CDH4: variants seen among roughly 807,000 people sequenced by gnomAD.
CDH4 encodes cadherin 4, also known as cadherin-4.
CDH4 carries 33 observed loss-of-function variants against 86.0 expected under a neutral mutation model. That is an observed-to-expected ratio of 0.38 (90% confidence interval 0.29 to 0.51). CDH4 has a LOEUF of 0.51. Ranked by LOEUF, CDH4 falls within the 20% of genes least tolerant of loss-of-function variation. CDH4 has a pLI of 0.86. For synonymous variants in CDH4, 555 were observed against 549.4 expected (o/e 1.01, Z -0.14); for missense variants, 1,114 against 1,307.4 (o/e 0.85, Z 2.28).
chr20:61,813,270 C>G (rs968471985), intron 4 of CDH4, among the ~76,000 whole-genome samples: 1 of 152,182 alleles, frequency 6.6e-6, no homozygotes, highest in Non-Finnish European at 1.5e-5. Context: ...GGATCTCCCC[C>G]ACCCAGGGCC....
chr20:61,823,251 G>C (rs1981138115), intron 4 of CDH4, among the ~76,000 whole-genome samples: 1 of 6,680 alleles, frequency 1.5e-4, no homozygotes, highest in Non-Finnish European at 3.5e-4. Context: ...AGTGGCGATG[G>C]TGTTGATGGT....
At chr20:61,258,346 GAAA>G (rs1234257125) in intron 2 of CDH4, among the ~76,000 whole-genome samples, 1 of 42,788 alleles carries the variant, frequency 2.3e-5, no homozygotes, top group African/African-American at 8.1e-5. Flanking sequence ...AAAAAAAAAA[GAAA>G]AAAAAAAAAG....
intron 2 of CDH4, among the ~76,000 whole-genome samples, chr20:61,683,923 G>A (rs1007283039): frequency 6.6e-6 from 1 of 152,244 alleles, no homozygotes; most frequent in Admixed American, 6.5e-5. Context: ...GGTGGGAGTT[G>A]GGAGGCTGGG....
chr20:61,355,167 T>C (rs967087520), intron 2 of CDH4, among the ~76,000 whole-genome samples: 1 of 152,130 alleles, frequency 6.6e-6, no homozygotes, highest in Non-Finnish European at 1.5e-5. Context: ...AATCCTTTCA[T>C]TTCCAGGCAA....
At chr20:61,877,352 C>A (rs1201389170) in intron 7 of CDH4, among the ~76,000 whole-genome samples, 3 of 151,414 alleles carry the variant, frequency 2.0e-5, no homozygotes, top group South Asian at 4.2e-4. Context: ...AGACACAGAG[C>A]GGTACCCACC....
At chr20:61,742,685 A>C (rs941794626) in intron 2 of CDH4, among the ~76,000 whole-genome samples, 1 of 152,218 alleles carries the variant, frequency 6.6e-6, no homozygotes, top group South Asian at 2.1e-4. Flanking sequence ...CCACGGCTGT[A>C]GGTGACAGTT....
chr20:61,287,402 G>C (rs1200550087), intron 2 of CDH4, among the ~76,000 whole-genome samples: 4 of 152,090 alleles, frequency 2.6e-5, no homozygotes, highest in African/African-American at 9.7e-5. Context: ...TTCAGCCCAG[G>C]AGGTCAAGGC....
At chr20:61,793,108 G>A (rs999922714) in intron 4 of CDH4, among the ~76,000 whole-genome samples, 6 of 152,140 alleles carry the variant, frequency 3.9e-5, no homozygotes, top group African/African-American at 9.6e-5. Context: ...GATTACAAGC[G>A]CCTGCCACTA....
chr20:61,659,093 A>G (rs1308596144), intron 2 of CDH4, among the ~76,000 whole-genome samples: 2 of 152,214 alleles, frequency 1.3e-5, no homozygotes, highest in African/African-American at 4.8e-5. Flanking sequence ...TCACGGTCGT[A>G]GCACCCAGAA....
intron 2 of CDH4, among the ~76,000 whole-genome samples, chr20:61,430,100 G>T (rs1429503967): frequency 6.6e-6 from 1 of 152,222 alleles, no homozygotes; most frequent in Non-Finnish European, 1.5e-5. Context: ...CCCAGGGGAT[G>T]CCCCTATACT....
intron 2 of CDH4, among the ~76,000 whole-genome samples, chr20:61,652,228 A>G (rs1009662235): frequency 6.6e-6 from 1 of 152,206 alleles, no homozygotes; most frequent in African/African-American, 2.4e-5. Context: ...ACAGAACCCC[A>G]GTATCCACGT....
intron 2 of CDH4, among the ~76,000 whole-genome samples, chr20:61,427,693 T>C (rs565731768): frequency 6.6e-6 from 1 of 152,014 alleles, no homozygotes; most frequent in Non-Finnish European, 1.5e-5. Context: ...GAATGCCAGC[T>C]CCAGACCCCC....
chr20:61,735,991 T>A lies in CDH4; in HGVS notation c.170-7572T>A, dbSNP rs944249. Among the ~76,000 whole-genome samples the A allele has an allele frequency of 7.2e-4, 110 of 152,154 alleles. 1 individual carries two copies. Among genetic ancestry groups the A allele is most frequent in the African/African-American group, 2.5e-3 (105 of 41,534 alleles). On this transcript the variant is annotated intron_variant, in intron 2 of 15. Coordinates refer to ENST00000614565, the MANE Select transcript of CDH4 (RefSeq NM_001794.5). ...CCGTAGCTCTCTTAACATTGGGCCCTAAAGGGGGTGTCTGGGTGTGGCTTC... is the reference window on the plus strand; with the variant it reads ...CCGTAGCTCTCTTAACATTGGGCCCAAAAGGGGGTGTCTGGGTGTGGCTTC...
Position 61,392,259 on chromosome 20 carries a change from AG to A in CDH4, c.169+137324del, listed in dbSNP as rs1006230757. Among the ~76,000 whole-genome samples the A allele has an allele frequency of 3.3e-5, 5 of 151,980 alleles. No individual in the cohort carries two copies. Among genetic ancestry groups the A allele is most frequent in the Non-Finnish European group, 7.4e-5 (5 of 68,024 alleles). On this transcript the variant is annotated intron_variant, in intron 2 of 15. Transcript: ENST00000614565. The surrounding 1 kb of genome is among the most constrained non-coding windows in gnomAD (Gnocchi z 5.7). ...TGCTGCCTCTGGGCTGGGGAGGGAC[AG>A]GAACCCGAGGCAGATCCTTCCACCA...
intron 2 of CDH4, among the ~76,000 whole-genome samples, chr20:61,635,284 A>G (rs1001542362): frequency 1.3e-5 from 2 of 152,146 alleles, no homozygotes; most frequent in African/African-American, 4.8e-5. Flanking sequence ...CCTTTCTCCC[A>G]ATCCTTGCCA....
chr20:61,620,174 ATGGG>A (rs2086760051), intron 2 of CDH4, among the ~76,000 whole-genome samples: 5 of 58,052 alleles, frequency 8.6e-5, no homozygotes, highest in Non-Finnish European at 1.3e-4. Flanking sequence ...GGATGGATGG[ATGGG>A]TGGGTGGGTG....
At chr20:61,867,932 C>T (rs1278328399) in intron 6 of CDH4, among the ~76,000 whole-genome samples, 2 of 152,190 alleles carry the variant, frequency 1.3e-5, no homozygotes, top group African/African-American at 4.8e-5. Context: ...CCAGGCTCTT[C>T]TCTGTGAGGA....
At chr20:61,414,484 C>T (rs1243308162) in intron 2 of CDH4, among the ~76,000 whole-genome samples, 3 of 152,228 alleles carry the variant, frequency 2.0e-5, no homozygotes, top group Admixed American at 6.5e-5. Flanking sequence ...CCCCAGCCCT[C>T]TCCAGCTGGC....
rs1246841811 is a variant in CDH4, at chr20:61,807,540, C to T, written c.576+34358C>T. ...GCAGCCCTTTCTCCCCGTCAAGGTG[C>T]AGCTGTGTCCACCATCAGCGAGGGG... is the stretch of plus-strand genomic sequence containing the variant. On this transcript the variant is annotated intron_variant, in intron 4 of 15. Coordinates refer to ENST00000614565, the MANE Select transcript of CDH4 (RefSeq NM_001794.5). The surrounding 1 kb of genome is among the most constrained non-coding windows in gnomAD (Gnocchi z 4.5). 6.6e-6 allele frequency among the ~76,000 whole-genome samples: 1 copy of T among 152,236 alleles called. No homozygotes were observed. Among genetic ancestry groups the T allele is most frequent in the Non-Finnish European group, 1.5e-5 (1 of 68,038 alleles).
Sources: gnomAD v4.1 joint callset for allele counts (sites outside exome capture counted in the v4.1 genomes callset) on GRCh38, gnomAD v4.1.1 for gene constraint, Gnocchi (gnomAD v3.1) non-coding constraint, MANE v1.5 for transcripts, NCBI Gene and HGNC (gene_info 2026-07-23, HGNC 2026-07-21) for gene names.